The following CCDC178 variants were observed in gnomAD, a reference collection of about 807,000 sequenced individuals.
CCDC178 encodes the protein coiled-coil domain-containing protein 178.
In CCDC178, 126 loss-of-function variants were observed where a neutral mutation model predicts 117.4. The observed-to-expected ratio is 1.07, with a 90% CI of 0.93 to 1.24. The LOEUF is 1.24. Among genes scored for constraint, CCDC178 ranks in the 50% most tolerant of loss-of-function variants. CCDC178 has a pLI of 0.00. For synonymous variants in CCDC178, 283 were observed against 313.4 expected (o/e 0.90, Z 1.02); for missense variants, 1,030 against 986.9 (o/e 1.04, Z -0.59).
chr18:33,164,028 G>A (rs541788245), intron 20 of CCDC178, among the ~76,000 whole-genome samples: 3 of 151,174 alleles, frequency 2.0e-5, no homozygotes, highest in Admixed American at 6.6e-5. Flanking sequence ...GAACTAAACT[G>A]AGTATCCTAC....
chr18:33,145,961 T>G (rs1035174398), intron 20 of CCDC178, among the ~76,000 whole-genome samples: 2 of 152,188 alleles, frequency 1.3e-5, no homozygotes, highest in African/African-American at 4.8e-5. Context: ...ATTAATACTA[T>G]TGATTGATAT....
intron 8 of CCDC178, among the ~76,000 whole-genome samples, chr18:33,347,408 T>A (rs1195134501): frequency 6.6e-6 from 1 of 152,196 alleles, no homozygotes; most frequent in Non-Finnish European, 1.5e-5. Flanking sequence ...TTTTAACCCA[T>A]TGGACTTGTC....
intron 12 of CCDC178, among the ~76,000 whole-genome samples, chr18:33,284,903 G>C (rs2060078487): frequency 1.3e-5 from 2 of 151,294 alleles, no homozygotes; most frequent in East Asian, 1.9e-4. Context: ...GTAGCTCTTG[G>C]GGAAAGAAAG....
At chr18:33,288,295 C>G (rs1443028894) in intron 12 of CCDC178, among the ~76,000 whole-genome samples, 1 of 114,968 alleles carries the variant, frequency 8.7e-6, no homozygotes, top group African/African-American at 3.4e-5. Context: ...CTCCTCTTCC[C>G]TCCTCTCTCC....
intron 20 of CCDC178, among the ~76,000 whole-genome samples, chr18:33,157,787 C>T (rs1186899431): frequency 6.6e-6 from 1 of 151,774 alleles, no homozygotes; most frequent in Non-Finnish European, 1.5e-5. Context: ...AGATTGATTA[C>T]TTCTATATTA....
At chr18:33,148,548 T>C (rs1423618396) in intron 20 of CCDC178, among the ~76,000 whole-genome samples, 1 of 152,092 alleles carries the variant, frequency 6.6e-6, no homozygotes, top group Non-Finnish European at 1.5e-5. Flanking sequence ...ATCTTTGTAA[T>C]GTCTACCCAC....
intron 20 of CCDC178, among the ~76,000 whole-genome samples, chr18:33,182,129 T>A (rs2058739130): frequency 6.6e-6 from 1 of 152,066 alleles, no homozygotes; most frequent in South Asian, 2.1e-4. Flanking sequence ...CTCAGTTTTA[T>A]CATGGAATAT....
At chr18:33,407,234 A>C (rs1265771568) in intron 3 of CCDC178, among the ~76,000 whole-genome samples, 1 of 152,154 alleles carries the variant, frequency 6.6e-6, no homozygotes, top group Non-Finnish European at 1.5e-5. Flanking sequence ...AAAGATACAC[A>C]CTTTATATGA....
chr18:33,026,522 T>C (rs2056232800), intron 21 of CCDC178, among the ~76,000 whole-genome samples: 1 of 152,002 alleles, frequency 6.6e-6, no homozygotes, highest in African/African-American at 2.4e-5. Flanking sequence ...CATGAGGTTT[T>C]TAGAATAGAA....
chr18:33,374,983 G>C (rs55676842), intron 5 of CCDC178, among the ~76,000 whole-genome samples: 1 of 152,112 alleles, frequency 6.6e-6, no homozygotes, highest in Non-Finnish European at 1.5e-5. Context: ...GAGGGGGCAC[G>C]AATGAACTTT....
intron 21 of CCDC178, among the ~76,000 whole-genome samples, chr18:33,085,710 A>G (rs2057369127): frequency 6.6e-6 from 1 of 152,216 alleles, no homozygotes; most frequent in South Asian, 2.1e-4. Context: ...ATTGTTTTAT[A>G]CAACCATCCT....
intron 20 of CCDC178, among the ~76,000 whole-genome samples, chr18:33,175,952 C>T (rs548027499): frequency 5.3e-5 from 8 of 152,260 alleles, no homozygotes; most frequent in African/African-American, 1.9e-4. Flanking sequence ...CTTCATAGAA[C>T]ATTCCTACTG....
At chr18:32,949,988 G>A (rs1463163756) in intron 22 of CCDC178, among the ~76,000 whole-genome samples, 1 of 152,142 alleles carries the variant, frequency 6.6e-6, no homozygotes, top group East Asian at 1.9e-4. Flanking sequence ...AGACTTTTCT[G>A]AGGATTGTAC....
intron 9 of CCDC178, among the ~76,000 whole-genome samples, chr18:33,345,640 T>C (rs1420697320): frequency 6.6e-6 from 1 of 152,174 alleles, no homozygotes; most frequent in Non-Finnish European, 1.5e-5. Flanking sequence ...GAAATTCAAA[T>C]ACTGTAGTCA....
At chr18:33,219,524 T>G (rs534053066) in intron 18 of CCDC178, among the ~76,000 whole-genome samples, 1 of 152,088 alleles carries the variant, frequency 6.6e-6, no homozygotes, top group Non-Finnish European at 1.5e-5. Context: ...TTGGAACCAA[T>G]CCAAATGTCC....
chr18:33,135,860 CCTT>C (rs1289371200), intron 20 of CCDC178, among the ~76,000 whole-genome samples: 2 of 152,138 alleles, frequency 1.3e-5, no homozygotes, highest in Non-Finnish European at 2.9e-5. Context: ...TTTCCCATAT[CCTT>C]CTTCTGGTAA....
At position 32,974,562 on chromosome 18, in the gene CCDC178, T is replaced by C. The variant is rs2054993692; in HGVS notation, c.2508A>G (p.Lys836=). ...FQTDSQESIQ[K]ILAVQEESSN... Reference sequence around the variant, plus strand: ...AATCACCTACCTGCACAGCTAATATTTTCTGAATACTCTCCTGAGAGTCTG... The same window carrying C: ...AATCACCTACCTGCACAGCTAATATCTTCTGAATACTCTCCTGAGAGTCTG... Residue 836 remains lysine (K), a synonymous_variant, in exon 22 of 23, where the codon AAA becomes AAG. Transcript: ENST00000383096. The C allele has an allele frequency of 6.2e-7, 1 of 1,613,472 alleles. No homozygotes were observed. The highest frequency in any genetic ancestry group is 1.3e-5 in the African/African-American group (1 of 74,904).
At chr18:33,232,395 A>G (rs1458368608) in intron 15 of CCDC178, among the ~76,000 whole-genome samples, 1 of 152,234 alleles carries the variant, frequency 6.6e-6, no homozygotes, top group African/African-American at 2.4e-5. Flanking sequence ...TTTCATTTCC[A>G]GTGACAGAGA....
At chr18:33,237,597 T>C (rs1158517111) in intron 15 of CCDC178, among the ~76,000 whole-genome samples, 1 of 150,098 alleles carries the variant, frequency 6.7e-6, no homozygotes, top group African/African-American at 2.5e-5. Context: ...AGCATCTGCA[T>C]GCCCATGTTC....
Sources: gnomAD v4.1 joint callset for allele counts (sites outside exome capture counted in the v4.1 genomes callset) on GRCh38, gnomAD v4.1.1 for gene constraint, MANE v1.5 for transcripts, NCBI Gene and HGNC (gene_info 2026-07-23, HGNC 2026-07-21) for gene names.